The following PGM2 variants were observed in gnomAD, a reference collection of about 807,000 sequenced individuals.
PGM2 encodes the protein phosphopentomutase.
In PGM2, 57 loss-of-function variants were observed where a neutral mutation model predicts 74.6. That is an observed-to-expected ratio of 0.76 (90% CI 0.62 to 0.95). The LOEUF (loss-of-function observed/expected upper bound fraction) is 0.95, where lower values mean the gene tolerates loss of function less well. Among genes scored for constraint, PGM2 ranks in the 40% least tolerant of loss-of-function variants. The probability of loss-of-function intolerance (pLI) is 0.00; values close to 1 mark genes in which losing one functional copy is unlikely to be tolerated. For synonymous variants in PGM2, 273 were observed against 260.7 expected (o/e 1.05, Z -0.46); for missense variants, 706 against 741.9 (o/e 0.95, Z 0.56).
At chr4:37,846,399 C>T (rs555216645) in intron 8 of PGM2, among the ~76,000 whole-genome samples, 15 of 152,256 alleles carry the variant, frequency 9.9e-5, no homozygotes, top group East Asian at 3.9e-4. Context: ...TAAGATGATA[C>T]GTCCTGATAG....
At chr4:37,845,368 G>T (rs1020229152) in intron 7 of PGM2, among the ~76,000 whole-genome samples, 1 of 152,186 alleles carries the variant, frequency 6.6e-6, no homozygotes, top group African/African-American at 2.4e-5. Flanking sequence ...TGGCGCATGT[G>T]CAGCAGGCAC....
At chr4:37,827,014 G>C (rs1024362332) in intron 1 of PGM2, among the ~76,000 whole-genome samples, 2 of 152,270 alleles carry the variant, frequency 1.3e-5, no homozygotes, top group Non-Finnish European at 2.9e-5. Flanking sequence ...AGTTAGGCCG[G>C]GAAGGCTTGT....
chr4:37,831,058 G>C (rs950547719), intron 2 of PGM2, among the ~76,000 whole-genome samples: 1 of 151,956 alleles, frequency 6.6e-6, no homozygotes, highest in African/African-American at 2.4e-5. Context: ...GCCAGGCGTG[G>C]TGGTGTGCAC....
At chr4:37,853,361 T>C (rs1474909951) in intron 12 of PGM2, among the ~76,000 whole-genome samples, 1 of 6,450 alleles carries the variant, frequency 1.6e-4, no homozygotes, top group African/African-American at 1.2e-3. Flanking sequence ...TGATATTCCT[T>C]TTTTTTTTTT....
At chr4:37,855,565 G>C (rs1240495219) in intron 12 of PGM2, 43 bp from the exon 13 acceptor site, 31 of 1,571,696 alleles carry the variant, frequency 2.0e-5, no homozygotes, top group Non-Finnish European at 2.7e-5. Context: ...GGTTAGGCCA[G>C]AATGTTACTA....
chr4:37,829,394 G>C (rs1725378664), intron 1 of PGM2, among the ~76,000 whole-genome samples: 1 of 152,054 alleles, frequency 6.6e-6, no homozygotes, highest in South Asian at 2.1e-4. Context: ...AACTTGACCA[G>C]GTATGTGAAT....
In PGM2 at chr4:37,862,277, CTCA is replaced by C. The variant is rs1711804975; in HGVS notation, c.*668_*670del. ...AGTGTCTTTGTTTAATGTGTTGAAACTCATCTTTTTAAATCTTGAAAAACCAAT... is the reference window on the plus strand; with the variant it reads ...AGTGTCTTTGTTTAATGTGTTGAAACTCTTTTTAAATCTTGAAAAACCAAT... On this transcript the variant is annotated 3_prime_UTR_variant, in exon 14 of 14. Transcript: ENST00000381967. The C allele has an allele frequency of 6.6e-6, 1 of 152,080 alleles. No homozygotes were observed. The highest frequency in any genetic ancestry group is 6.6e-5 in the Admixed American group (1 of 15,246). 9.4% of individuals were successfully genotyped at this position (152,080 alleles called of 1,614,324 possible).
At chr4:37,837,341 T>A (rs1196836830) in intron 3 of PGM2, among the ~76,000 whole-genome samples, 188 bp from the exon 4 acceptor site, 3 of 152,196 alleles carry the variant, frequency 2.0e-5, no homozygotes, top group Non-Finnish European at 4.4e-5. Flanking sequence ...AAGAGTGAAA[T>A]GAGATGACTC....
intron 3 of PGM2, 25 bp from the exon 4 acceptor site, chr4:37,837,504 C>G (rs1365041663): frequency 6.9e-7 from 1 of 1,459,804 alleles, no homozygotes; most frequent in Non-Finnish European, 9.6e-7. Flanking sequence ...CTCTCCTTTT[C>G]TTCCCTGTCA....
At chr4:37,849,504 T>C (rs909191052) in intron 11 of PGM2, among the ~76,000 whole-genome samples, 2 of 144,826 alleles carry the variant, frequency 1.4e-5, no homozygotes, top group South Asian at 4.5e-4. Flanking sequence ...CTCTGCCTCC[T>C]GGGTTCAAGC....
chr4:37,849,070 C>CAA (rs34584642), intron 11 of PGM2, among the ~76,000 whole-genome samples: 3 of 84,560 alleles, frequency 3.5e-5, no homozygotes, highest in Admixed American at 1.2e-4. Context: ...AACTCTGTCT[C>CAA]AAAAAAAAAA....
At chr4:37,846,733 A>G (rs1725884569) in intron 8 of PGM2, among the ~76,000 whole-genome samples, 198 bp from the exon 9 acceptor site, 1 of 152,230 alleles carries the variant, frequency 6.6e-6, no homozygotes, top group South Asian at 2.1e-4. Flanking sequence ...TGGCTGATAT[A>G]TATGGTAGCT....
intron 1 of PGM2, 120 bp from the exon 2 acceptor site, chr4:37,829,844 C>G (rs1725391415): frequency 3.3e-6 from 1 of 303,902 alleles, no homozygotes; most frequent in East Asian, 6.0e-5. Flanking sequence ...ATTGAAAGGT[C>G]TACATATATA....
At position 37,847,043 on chromosome 4, in the gene PGM2, A is replaced by C. The variant is rs755229310; in HGVS notation, c.1120A>C (p.Met374Leu). The change falls in exon 9 of 14, where the codon ATG (methionine) becomes CTG (leucine). Residue 374 changes from methionine (M) to leucine (L), a missense_variant. By Grantham distance (15) the Met-to-Leu change is conservative (BLOSUM62 2). Coordinates refer to ENST00000381967, the MANE Select transcript of PGM2 (RefSeq NM_018290.4). ...TCGCAGTGCTCTCAAAGACACGTAC[A>C]TGTTGTCCAGCACCGTCTCCTCCAA... ...QDRSALKDTY[M>L]LSSTVSSKIL... The C allele has an allele frequency of 1.2e-6, 2 of 1,613,814 alleles. No homozygotes were observed. Among genetic ancestry groups the C allele is most frequent in the Non-Finnish European group, 1.7e-6 (2 of 1,179,746 alleles).
At chr4:37,843,320 T>G (rs939287891) in intron 6 of PGM2, among the ~76,000 whole-genome samples, 1 of 152,234 alleles carries the variant, frequency 6.6e-6, no homozygotes, top group African/African-American at 2.4e-5. Flanking sequence ...TTCCCTAATC[T>G]TACATATTTA....
intron 4 of PGM2, among the ~76,000 whole-genome samples, chr4:37,839,264 G>C (rs185008885): frequency 6.6e-6 from 1 of 151,634 alleles, no homozygotes; most frequent in Non-Finnish European, 1.5e-5. Flanking sequence ...GATTACAGGC[G>C]CCCATGCCTG....
intron 11 of PGM2, among the ~76,000 whole-genome samples, chr4:37,849,946 C>A (rs1725991772): frequency 6.6e-6 from 1 of 151,980 alleles, no homozygotes. Context: ...TGTCACCATA[C>A]CCGGCTAATT....
intron 12 of PGM2, among the ~76,000 whole-genome samples, chr4:37,851,054 G>A (rs1305245001): frequency 6.6e-6 from 1 of 151,806 alleles, no homozygotes; most frequent in Non-Finnish European, 1.5e-5. Flanking sequence ...CGCACCTTAG[G>A]CAATAAGTGA....
intron 12 of PGM2, among the ~76,000 whole-genome samples, chr4:37,853,449 C>A (rs1206222987): frequency 7.3e-6 from 1 of 137,000 alleles, no homozygotes; most frequent in African/African-American, 2.8e-5. Context: ...AAATATATGT[C>A]TTCTTTTTCT....
Sources: gnomAD v4.1 joint callset for allele counts (sites outside exome capture counted in the v4.1 genomes callset) on GRCh38, gnomAD v4.1.1 for gene constraint, MANE v1.5 for transcripts, NCBI Gene and HGNC (gene_info 2026-07-23, HGNC 2026-07-21) for gene names.